The following LRP1B variants were observed in gnomAD, a reference collection of about 807,000 sequenced individuals.
LRP1B encodes the protein LDL receptor related protein 1B, also known as low-density lipoprotein receptor-related protein 1B.
LRP1B carries 217 observed loss-of-function variants against 556.6 expected under a neutral mutation model. That is an observed-to-expected ratio of 0.39 (90% confidence interval 0.35 to 0.44). The LOEUF is 0.44. LRP1B is among the 20% of genes least tolerant of loss of function. The pLI is 1.00. For missense variants in LRP1B, 5,053 were observed against 5,620.8 expected (o/e 0.90, Z 3.23); for synonymous variants, 2,047 against 1,865.8 (o/e 1.10, Z -2.50).
chr2:141,321,966 TA>T (rs1170555293), intron 3 of LRP1B, among the ~76,000 whole-genome samples: 1 of 152,074 alleles, frequency 6.6e-6, no homozygotes, highest in African/African-American at 2.4e-5. Context: ...TCTAGTCTTG[TA>T]AATGAAGCCA....
intron 2 of LRP1B, among the ~76,000 whole-genome samples, chr2:141,510,236 C>CACACACACACACACACACA (rs1553524111): frequency 1.5e-5 from 2 of 132,158 alleles, no homozygotes; most frequent in African/African-American, 2.7e-5. Flanking sequence ...ACACACACAC[C>CACACACACACACACACACA]CCCCACAGTC....
intron 3 of LRP1B, among the ~76,000 whole-genome samples, chr2:141,462,539 T>C (rs1489849440): frequency 6.6e-6 from 1 of 152,172 alleles, no homozygotes; most frequent in Non-Finnish European, 1.5e-5. Flanking sequence ...AAATACCTAA[T>C]GCATAAAGAG....
chr2:140,837,907 A>AC (rs1443918335), intron 31 of LRP1B, among the ~76,000 whole-genome samples: 1 of 152,158 alleles, frequency 6.6e-6, no homozygotes, highest in African/African-American at 2.4e-5. Flanking sequence ...ACTAACCTGC[A>AC]CGTTGTGCAC....
intron 7 of LRP1B, among the ~76,000 whole-genome samples, chr2:141,171,025 T>C (rs1680478174): frequency 6.6e-6 from 1 of 152,152 alleles, no homozygotes; most frequent in Admixed American, 6.6e-5. Flanking sequence ...TAGTAGGCTT[T>C]ATTTTTTATG....
chr2:142,032,572 T>G (rs1489223706), intron 1 of LRP1B, among the ~76,000 whole-genome samples: 1 of 151,800 alleles, frequency 6.6e-6, no homozygotes, highest in African/African-American at 2.4e-5. Flanking sequence ...TTAACCATCA[T>G]CATTATTTTT....
intron 1 of LRP1B, among the ~76,000 whole-genome samples, chr2:142,002,725 C>CT (rs1702691599): frequency 6.6e-6 from 1 of 152,040 alleles, no homozygotes; most frequent in East Asian, 1.9e-4. Context: ...AAGAGTTCTG[C>CT]TTTGCTATAT....
At chr2:142,096,042 A>G in intron 1 of LRP1B, among the ~76,000 whole-genome samples, 1 of 151,686 alleles carries the variant, frequency 6.6e-6, no homozygotes, top group East Asian at 1.9e-4. Flanking sequence ...CCACTTAACT[A>G]TTTTTTGTGT....
chr2:142,073,987 T>C (rs531440782), intron 1 of LRP1B, among the ~76,000 whole-genome samples: 1 of 152,180 alleles, frequency 6.6e-6, no homozygotes, highest in African/African-American at 2.4e-5. Context: ...AAATCTCTTT[T>C]ATTTTTAATT....
intron 60 of LRP1B, among the ~76,000 whole-genome samples, chr2:140,462,903 A>G (rs536842234): frequency 6.6e-6 from 1 of 152,338 alleles, no homozygotes; most frequent in South Asian, 2.1e-4. Context: ...CCCTCTTTTG[A>G]GAGACCCTGA....
intron 84 of LRP1B, among the ~76,000 whole-genome samples, chr2:140,291,318 A>ATATTTTTTTTTT (rs369391920): frequency 1.7e-4 from 19 of 109,322 alleles, no homozygotes; most frequent in South Asian, 3.2e-4. Flanking sequence ...ATATATATAT[A>ATATTTTTTTTTT]TTTTTATTAT....
chr2:141,554,821 C>T (rs762366099), intron 2 of LRP1B, among the ~76,000 whole-genome samples: 1 of 152,014 alleles, frequency 6.6e-6, no homozygotes, highest in Middle Eastern at 3.4e-3. Flanking sequence ...GTCCACAGAC[C>T]TGCAGCACCT....
At chr2:140,787,171 C>G (rs1444082434) in intron 32 of LRP1B, among the ~76,000 whole-genome samples, 1 of 152,152 alleles carries the variant, frequency 6.6e-6, no homozygotes, top group Non-Finnish European at 1.5e-5. Context: ...GGGTCTGAAC[C>G]ACATTTTATC....
At chr2:141,497,729 T>TATA (rs1310746512) in intron 2 of LRP1B, among the ~76,000 whole-genome samples, 40 of 151,984 alleles carry the variant, frequency 2.6e-4, no homozygotes, top group African/African-American at 9.7e-4. Flanking sequence ...GCAAATCTAC[T>TATA]GAACAAACTA....
intron 60 of LRP1B, among the ~76,000 whole-genome samples, chr2:140,469,063 G>A (rs1399309228): frequency 1.3e-5 from 2 of 152,146 alleles, no homozygotes; most frequent in African/African-American, 4.8e-5. Context: ...GGGGGCTATT[G>A]AGATCAAATA....
intron 2 of LRP1B, among the ~76,000 whole-genome samples, chr2:141,650,141 A>G (rs187768339): frequency 2.0e-4 from 30 of 152,274 alleles, no homozygotes; most frequent in African/African-American, 5.8e-4. Context: ...GATTGTGCCA[A>G]TGCACTCCAG....
rs368979410 is a variant in LRP1B at position 140,357,985 on chromosome 2, T to C, written c.11389A>G (p.Arg3797Gly). 17 of 1,609,930 alleles carry C rather than the reference T, an allele frequency of 1.1e-5. No homozygotes were observed. The highest frequency in any genetic ancestry group is 4.0e-5 in the African/African-American group (3 of 74,714). The change falls in exon 74 of 91, where the codon AGA (arginine) becomes GGA (glycine). Residue 3797 changes from arginine (R) to glycine (G), a missense_variant. By Grantham distance (125) the Arg-to-Gly change is moderately radical. Coordinates refer to ENST00000389484, the MANE Select transcript of LRP1B (RefSeq NM_018557.3). ...TAACAGAAAACAAGCTCACCTATTC[T>C]GCATCCTTGCTCATCTGAACCATCT... ...CGDGSDEQGC[R>G]IAPTEYTCED...
intron 1 of LRP1B, among the ~76,000 whole-genome samples, chr2:142,064,141 T>G (rs1390027545): frequency 6.6e-6 from 1 of 151,618 alleles, no homozygotes; most frequent in Admixed American, 6.6e-5. Context: ...CATTGGAATT[T>G]TATTCTAAAC....
chr2:140,495,803 T>C (rs574476052), intron 55 of LRP1B, 55 bp from the exon 56 acceptor site: 64 of 1,428,838 alleles, frequency 4.5e-5, no homozygotes, highest in Middle Eastern at 4.7e-4. Context: ...TGTCTTTTAC[T>C]TTTGGATATC....
chr2:141,768,676 T>C (rs186637288), intron 2 of LRP1B, among the ~76,000 whole-genome samples: 4 of 152,232 alleles, frequency 2.6e-5, no homozygotes, highest in Non-Finnish European at 5.9e-5. Flanking sequence ...GAGGAAAGCC[T>C]TGAAGTCAAG....
Sources: allele counts gnomAD v4.1 joint callset (sites outside exome capture counted in the v4.1 genomes callset), GRCh38; gene constraint gnomAD v4.1.1; transcripts MANE v1.5; gene names NCBI Gene and HGNC (gene_info 2026-07-23, HGNC 2026-07-21).